LARGE1: variants seen among roughly 807,000 people sequenced by gnomAD.
LARGE1 encodes xylosyl- and glucuronyltransferase LARGE1.
A neutral mutation model predicts 87.6 loss-of-function variants in LARGE1; 43 were observed. The ratio of observed to expected loss-of-function variants is 0.49; its 90% CI spans 0.38 to 0.63. The LOEUF (loss-of-function observed/expected upper bound fraction) is 0.63, where lower values mean the gene tolerates loss of function less well. Among genes scored for constraint, LARGE1 ranks in the 30% least tolerant of loss-of-function variants. LARGE1 has a pLI of 0.00. For synonymous variants in LARGE1, 434 were observed against 394.6 expected (o/e 1.10, Z -1.18); for missense variants, 802 against 1,000.2 (o/e 0.80, Z 2.67).
chr22:33,689,306 T>G (rs1603157481), intron 2 of LARGE1, among the ~76,000 whole-genome samples: 1 of 151,894 alleles, frequency 6.6e-6, no homozygotes, highest in African/African-American at 2.4e-5. Flanking sequence ...TGCTGCACAG[T>G]TGCTCAAGCA....
At chr22:33,080,907 C>T in the LARGE1 span, among the ~76,000 whole-genome samples, 6 of 152,152 alleles carry the variant, frequency 3.9e-5, no homozygotes, top group Admixed American at 3.3e-4. Flanking sequence ...AAAAGTCATC[C>T]ATCCATCCAT....
At chr22:33,104,889 C>CTCTT in the LARGE1 span, among the ~76,000 whole-genome samples, 7,990 of 88,466 alleles carry the variant, frequency 0.09, 366 homozygotes, top group African/African-American at 0.14. Flanking sequence ...GACTTTCTCT[C>CTCTT]TCTTTCTTTC....
chr22:33,517,884 C>G (rs531628999), intron 6 of LARGE1, among the ~76,000 whole-genome samples: 5 of 152,310 alleles, frequency 3.3e-5, no homozygotes, highest in African/African-American at 1.2e-4. Flanking sequence ...AGAGCAGCTT[C>G]ATCTGGAAAA....
chr22:33,808,471 GTGC>G (rs2086384571), intron 1 of LARGE1, among the ~76,000 whole-genome samples: 1 of 152,178 alleles, frequency 6.6e-6, no homozygotes, highest in Admixed American at 6.5e-5. Flanking sequence ...TACCACCAAG[GTGC>G]TTGGCACAAA....
At chr22:33,415,093 G>A (rs1458196804) in intron 7 of LARGE1, among the ~76,000 whole-genome samples, 1 of 152,188 alleles carries the variant, frequency 6.6e-6, no homozygotes. Flanking sequence ...CTTCAGGTCA[G>A]GATGCATGAG....
At chr22:33,773,595 C>G in intron 1 of LARGE1, among the ~76,000 whole-genome samples, 1 of 152,166 alleles carries the variant, frequency 6.6e-6, no homozygotes, top group South Asian at 2.1e-4. Flanking sequence ...TGTTATATAA[C>G]AAGCAAACTC....
At chr22:33,624,165 C>T (rs1271726545) in intron 4 of LARGE1, among the ~76,000 whole-genome samples, 1 of 152,176 alleles carries the variant, frequency 6.6e-6, no homozygotes, top group Non-Finnish European at 1.5e-5. Flanking sequence ...TATATATCTT[C>T]ACGTTCTTTA....
At chr22:33,182,824 A>G (rs1159689545) in intron 11 of LARGE1, among the ~76,000 whole-genome samples, 1 of 152,218 alleles carries the variant, frequency 6.6e-6, no homozygotes, top group Non-Finnish European at 1.5e-5. Context: ...TCAATGGATT[A>G]AAGAGTTAAG....
intron 7 of LARGE1, among the ~76,000 whole-genome samples, chr22:33,412,041 T>C (rs964123110): frequency 3.9e-5 from 6 of 152,148 alleles, no homozygotes; most frequent in African/African-American, 1.4e-4. Context: ...CCCAGCACTT[T>C]GGGAGGCTGA....
At chr22:33,298,537 C>T (rs1933677686) in intron 12 of LARGE1, among the ~76,000 whole-genome samples, 1 of 152,186 alleles carries the variant, frequency 6.6e-6, no homozygotes. Flanking sequence ...GAGTACTCAG[C>T]ATCAGTCAGC....
intron 7 of LARGE1, among the ~76,000 whole-genome samples, chr22:33,385,793 A>AT (rs1295543206): frequency 1.4e-5 from 2 of 147,910 alleles, no homozygotes; most frequent in Non-Finnish European, 1.5e-5. Context: ...CCCCAAATCA[A>AT]TCCTCTTCAG....
At chr22:33,097,879 G>T in the LARGE1 span, among the ~76,000 whole-genome samples, 1 of 152,298 alleles carries the variant, frequency 6.6e-6, no homozygotes, top group East Asian at 1.9e-4. Flanking sequence ...CACACATCAA[G>T]AACTTAATTA....
At chr22:33,280,059 G>A (rs60578463) in intron 13 of LARGE1, among the ~76,000 whole-genome samples, 10,065 of 152,070 alleles carry the variant, frequency 0.066, 1,127 homozygotes, top group African/African-American at 0.23. Flanking sequence ...AGAGTCTGGC[G>A]CAGTATTGAC....
At chr22:33,910,336 G>A (rs2065595407) in intron 1 of LARGE1, among the ~76,000 whole-genome samples, 1 of 152,148 alleles carries the variant, frequency 6.6e-6, no homozygotes, top group African/African-American at 2.4e-5. Flanking sequence ...GAAGGAATAA[G>A]AATTAAAGTA....
chr22:33,176,187 A>C (rs1057166732), intron 11 of LARGE1, among the ~76,000 whole-genome samples: 1 of 152,220 alleles, frequency 6.6e-6, no homozygotes, highest in Non-Finnish European at 1.5e-5. Context: ...GTAAGACCTA[A>C]AACCATAAAA....
the LARGE1 span, among the ~76,000 whole-genome samples, chr22:33,105,020 TG>T: frequency 6.7e-6 from 1 of 149,902 alleles, no homozygotes; most frequent in Non-Finnish European, 1.5e-5. Context: ...CTTTTTTTGA[TG>T]AAGTCTTGCT....
chr22:33,444,569 G>T (rs1273235799), intron 6 of LARGE1, among the ~76,000 whole-genome samples: 6 of 152,156 alleles, frequency 3.9e-5, no homozygotes, highest in South Asian at 4.2e-4. Flanking sequence ...TCCTTGGGCA[G>T]ATTATAAAGA....
At chr22:33,448,067 C>G (rs1203055497) in intron 6 of LARGE1, among the ~76,000 whole-genome samples, 2 of 150,500 alleles carry the variant, frequency 1.3e-5, no homozygotes, top group East Asian at 3.9e-4. Flanking sequence ...AGACAGAGAG[C>G]AGATTAGTGG....
In LARGE1 at chr22:33,494,385, T is replaced by TA. The variant is rs147397801; in HGVS notation, c.788-62121dup. On this transcript the variant is annotated intron_variant, in intron 6 of 14. Coordinates refer to ENST00000397394, the MANE Select transcript of LARGE1 (RefSeq NM_133642.5). ...CTACTTGACAGCTTACGTAAATGAA[T>TA]AAAGTGACTGAGCTGCTTCTAAAAT... 8.1e-4 allele frequency among the ~76,000 whole-genome samples: 123 copies of TA among 152,318 alleles called. 1 individual carries two copies. Among genetic ancestry groups the TA allele is most frequent in the African/African-American group, 2.9e-3 (122 of 41,574 alleles).
Sources: gnomAD v4.1 joint callset for allele counts (sites outside exome capture counted in the v4.1 genomes callset) on GRCh38, gnomAD v4.1.1 for gene constraint, MANE v1.5 for transcripts, NCBI Gene and HGNC (gene_info 2026-07-23, HGNC 2026-07-21) for gene names.